The following CACNA1C variants were observed in gnomAD, a reference collection of about 807,000 sequenced individuals.
CACNA1C encodes calcium voltage-gated channel subunit alpha1 C.
A neutral mutation model predicts 229.0 loss-of-function variants in CACNA1C; 30 were observed. The observed-to-expected ratio is 0.13, with a 90% CI of 0.10 to 0.18. CACNA1C has a LOEUF of 0.18. CACNA1C is among the 10% of genes least tolerant of loss of function. CACNA1C has a pLI of 1.00. For missense variants in CACNA1C, 1,658 were observed against 2,845.0 expected, an observed-to-expected ratio of 0.58 and a Z score of 9.49; for synonymous variants, 1,114 against 1,132.5, an observed-to-expected ratio of 0.98 and a Z score of 0.33.
chr12:1,991,409 C>T (rs770643452), intron 1 of CACNA1C: 4 of 234,494 alleles, frequency 1.7e-5, no homozygotes, highest in Admixed American at 5.1e-5. Flanking sequence ...GAACCACGAA[C>T]GTGAGCCACA....
At chr12:2,203,948 A>G (rs1355288054) in intron 3 of CACNA1C, among the ~76,000 whole-genome samples, 1 of 152,236 alleles carries the variant, frequency 6.6e-6, no homozygotes, top group Non-Finnish European at 1.5e-5. Context: ...ATGGGGGACC[A>G]GGAGGCTCTG....
In CACNA1C at chr12:2,605,187, T is replaced by A; in HGVS notation, c.3048+19T>A. On this transcript the variant is annotated intron_variant, in intron 23 of 46. Transcript: ENST00000399655. The surrounding 1 kb of genome is among the most constrained non-coding windows in gnomAD (Gnocchi z 6.2). ...GCTAAAGGTGAGTTGAGGGCTTGGG[T>A]AGGGAGTCTCCAGCCAGCCCATTGG... The A allele has an allele frequency of 6.4e-7, 1 of 1,552,516 alleles. No homozygotes were observed. Among genetic ancestry groups the A allele is most frequent in the Non-Finnish European group, 8.9e-7 (1 of 1,124,044 alleles).
chr12:1,978,620 C>T (rs147711414), intron 1 of CACNA1C, among the ~76,000 whole-genome samples: 45 of 152,292 alleles, frequency 3.0e-4, no homozygotes, highest in African/African-American at 1.1e-3. Context: ...ATGTAACCAA[C>T]ACTGAAAACA....
chr12:2,097,259 C>T (rs1265452714), intron 1 of CACNA1C, among the ~76,000 whole-genome samples: 5 of 152,122 alleles, frequency 3.3e-5, no homozygotes, highest in African/African-American at 9.7e-5. Flanking sequence ...CATTCTCCTG[C>T]CTCAGCCTCC....
intron 9 of CACNA1C, among the ~76,000 whole-genome samples, chr12:2,516,236 C>T (rs776425623): frequency 1.5e-4 from 23 of 152,036 alleles, no homozygotes; most frequent in African/African-American, 1.9e-4. Flanking sequence ...GAAGGGGCCA[C>T]GCTGATGAAT....
At chr12:2,080,611 A>ACAAAAAC (rs1405112864) in intron 1 of CACNA1C, among the ~76,000 whole-genome samples, 1 of 151,868 alleles carries the variant, frequency 6.6e-6, no homozygotes, top group African/African-American at 2.4e-5. Context: ...AAAAAAAAAA[A>ACAAAAAC]CAAAAAACAA....
chr12:2,435,723 T>A (rs2099127977), intron 3 of CACNA1C, among the ~76,000 whole-genome samples: 1 of 152,152 alleles, frequency 6.6e-6, no homozygotes, highest in Admixed American at 6.5e-5. Flanking sequence ...CCCTTCAACT[T>A]CTACTCTGGA....
intron 3 of CACNA1C, among the ~76,000 whole-genome samples, chr12:2,256,341 A>T (rs957196112): frequency 6.6e-6 from 1 of 152,210 alleles, no homozygotes; most frequent in Non-Finnish European, 1.5e-5. Context: ...AAAATGACTT[A>T]AACACATAAT....
chr12:2,650,416 C>A (rs933021715), intron 31 of CACNA1C, among the ~76,000 whole-genome samples: 19 of 152,112 alleles, frequency 1.2e-4, no homozygotes, highest in African/African-American at 4.6e-4. Context: ...TGGGGAGGGC[C>A]CAGGTGGCCC....
chr12:2,436,051 A>G (rs2099131516), intron 3 of CACNA1C, among the ~76,000 whole-genome samples: 1 of 152,144 alleles, frequency 6.6e-6, no homozygotes, highest in East Asian at 1.9e-4. Context: ...AGGGGCAGTG[A>G]TGGAGATGGG....
chr12:2,324,309 A>G (rs964693354), intron 3 of CACNA1C, among the ~76,000 whole-genome samples: 1 of 152,156 alleles, frequency 6.6e-6, no homozygotes, highest in Non-Finnish European at 1.5e-5. Flanking sequence ...ACAAGTGTTC[A>G]TTTCTCGATT....
chr12:2,314,766 A>T (rs940699062), intron 3 of CACNA1C, among the ~76,000 whole-genome samples: 4 of 151,954 alleles, frequency 2.6e-5, no homozygotes, highest in Admixed American at 6.6e-5. Flanking sequence ...CCATTCTGTC[A>T]TTGATGGATA....
chr12:2,683,905 G>T (rs2097306182), intron 43 of CACNA1C, among the ~76,000 whole-genome samples: 1 of 152,246 alleles, frequency 6.6e-6, no homozygotes, highest in Admixed American at 6.5e-5. Flanking sequence ...GATGCAGACA[G>T]GGAGGAGCCC....
chr12:2,218,481 C>G (rs1327003173), intron 3 of CACNA1C, among the ~76,000 whole-genome samples: 1 of 152,094 alleles, frequency 6.6e-6, no homozygotes, highest in African/African-American at 2.4e-5. Flanking sequence ...GCAAAACTCC[C>G]TTTTTTATTC....
chr12:2,449,408 G>A (rs538819011), intron 4 of CACNA1C, among the ~76,000 whole-genome samples: 145 of 152,324 alleles, frequency 9.5e-4, no homozygotes, highest in African/African-American at 3.0e-3. Flanking sequence ...AGTTGGTGGC[G>A]TGAACTTCCG....
rs890567409 is a variant in CACNA1C at position 2,004,531 on chromosome 12, C to G, written c.139+33330C>G. 3 of 1,495,310 alleles carry G rather than the reference C, an allele frequency of 2.0e-6. No homozygotes were observed. The African/African-American group carries it at 4.2e-5, about 21-fold the overall frequency. 92.6% of individuals were successfully genotyped at this position (1,495,310 alleles called of 1,614,324 possible). A position where few individuals can be genotyped will look rare whatever the true frequency, so the allele number is the denominator to read the frequency against. On this transcript the variant is annotated intron_variant, in intron 1 of 46. Coordinates refer to the CACNA1C transcript ENST00000682462. Reference sequence around the variant, plus strand: ...CTCGCAACCGAGAACCCACGGCGACCACACGGCCCGGGAGGCCTTCCGGCT... The same window carrying G: ...CTCGCAACCGAGAACCCACGGCGACGACACGGCCCGGGAGGCCTTCCGGCT...
chr12:2,476,285 C>G (rs1425245003), intron 5 of CACNA1C, among the ~76,000 whole-genome samples: 1 of 152,196 alleles, frequency 6.6e-6, no homozygotes, highest in Non-Finnish European at 1.5e-5. Context: ...CACATGTGTG[C>G]AGTGTAGTTG....
At chr12:2,207,844 C>A (rs79475344) in intron 3 of CACNA1C, among the ~76,000 whole-genome samples, 51,399 of 151,440 alleles carry the variant, frequency 0.34, 9,146 homozygotes, top group South Asian at 0.39. Context: ...ACAAAAAAAA[C>A]CATGAGAAAT....
chr12:2,278,842 G>C (rs1010510552), intron 3 of CACNA1C, among the ~76,000 whole-genome samples: 1 of 152,226 alleles, frequency 6.6e-6, no homozygotes, highest in Non-Finnish European at 1.5e-5. Flanking sequence ...ATTTTGTGCT[G>C]CCATCAGCAG....
Sources: gnomAD v4.1 joint callset for allele counts (sites outside exome capture counted in the v4.1 genomes callset) on GRCh38, gnomAD v4.1.1 for gene constraint, Gnocchi (gnomAD v3.1) non-coding constraint, MANE v1.5 for transcripts, NCBI Gene and HGNC (gene_info 2026-07-23, HGNC 2026-07-21) for gene names.